Variants in PARD3B observed in about 807,000 individuals in gnomAD.
PARD3B encodes partitioning defective 3 homolog B.
A neutral mutation model predicts 130.2 loss-of-function variants in PARD3B; 103 were observed. The ratio of observed to expected loss-of-function variants is 0.79; its 90% CI spans 0.67 to 0.93. The LOEUF is 0.93. Ranked by LOEUF, PARD3B falls within the 40% of genes least tolerant of loss-of-function variation. The probability of loss-of-function intolerance (pLI) is 0.00; values close to 1 mark genes in which losing one functional copy is unlikely to be tolerated. For synonymous variants in PARD3B, 583 were observed against 553.2 expected, an observed-to-expected ratio of 1.05 and a Z score of -0.76; for missense variants, 1,609 against 1,499.2, an observed-to-expected ratio of 1.07 and a Z score of -1.21.
intron 19 of PARD3B, among the ~76,000 whole-genome samples, chr2:205,430,156 T>TA (rs1468258382): frequency 6.6e-6 from 1 of 152,196 alleles, no homozygotes. Context: ...TTTCCCTCGA[T>TA]ATATAAGTGA....
intron 1 of PARD3B, among the ~76,000 whole-genome samples, chr2:204,568,716 A>G (rs2031821002): frequency 6.6e-6 from 1 of 152,194 alleles, no homozygotes; most frequent in South Asian, 2.1e-4. Context: ...GAACTATGGG[A>G]GGCCCAGGTG....
At chr2:205,365,565 T>TTTTTTC (rs1553686141) in intron 18 of PARD3B, among the ~76,000 whole-genome samples, 24 of 150,278 alleles carry the variant, frequency 1.6e-4, no homozygotes, top group East Asian at 5.8e-4. Context: ...TTTTTTTTTT[T>TTTTTTC]CTAATCTACA....
intron 2 of PARD3B, among the ~76,000 whole-genome samples, chr2:204,865,899 C>G (rs183500331): frequency 6.6e-6 from 1 of 152,254 alleles, no homozygotes; most frequent in East Asian, 1.9e-4. Flanking sequence ...CTACATGGAC[C>G]TGTGCTCTTG....
chr2:204,741,923 T>C (rs545945412), intron 2 of PARD3B, among the ~76,000 whole-genome samples: 4 of 152,250 alleles, frequency 2.6e-5, no homozygotes, highest in South Asian at 2.1e-4. Context: ...ATGCTGACAT[T>C]CAAAGTCCGG....
At chr2:204,865,286 A>T (rs1275365098) in intron 2 of PARD3B, among the ~76,000 whole-genome samples, 1 of 152,236 alleles carries the variant, frequency 6.6e-6, no homozygotes, top group African/African-American at 2.4e-5. Flanking sequence ...CCCAGAGGAA[A>T]AGAAGTCATT....
chr2:205,344,530 G>A (rs11690480), intron 18 of PARD3B, among the ~76,000 whole-genome samples: 90,317 of 151,944 alleles, frequency 0.59, 30,538 homozygotes, highest in South Asian at 0.77. Flanking sequence ...AATTCATGCA[G>A]TCTCCACCTG....
chr2:204,985,919 G>A (rs1211087952), intron 3 of PARD3B, among the ~76,000 whole-genome samples: 1 of 151,890 alleles, frequency 6.6e-6, no homozygotes, highest in South Asian at 2.1e-4. Context: ...TGGCAACATG[G>A]TGAAACCCCG....
intron 18 of PARD3B, among the ~76,000 whole-genome samples, chr2:205,372,669 C>T (rs1390440252): frequency 6.6e-6 from 1 of 152,204 alleles, no homozygotes; most frequent in Admixed American, 6.5e-5. Flanking sequence ...TTCTTATCCA[C>T]ACTGCATAAA....
intron 20 of PARD3B, among the ~76,000 whole-genome samples, chr2:205,488,203 G>C (rs2049521829): frequency 6.6e-6 from 1 of 151,974 alleles, no homozygotes. Context: ...TTAGGACAGT[G>C]GTCCCCAACC....
At chr2:205,551,990 A>G (rs992513972) in intron 21 of PARD3B, among the ~76,000 whole-genome samples, 13 of 152,200 alleles carry the variant, frequency 8.5e-5, no homozygotes, top group African/African-American at 2.9e-4. Flanking sequence ...CGTTGAGGTG[A>G]ACAGGTGGGG....
chr2:205,603,119 G>A (rs922111589), intron 22 of PARD3B, among the ~76,000 whole-genome samples: 49 of 152,170 alleles, frequency 3.2e-4, no homozygotes, highest in African/African-American at 1.1e-3. Flanking sequence ...CATTATTTAC[G>A]CAGGAGTTAT....
At chr2:204,953,550 G>A (rs938356022) in intron 2 of PARD3B, among the ~76,000 whole-genome samples, 4 of 151,754 alleles carry the variant, frequency 2.6e-5, no homozygotes, top group African/African-American at 9.7e-5. Context: ...ACACACTACA[G>A]ACACAATTTG....
chr2:205,521,212 C>A (rs1248926547), intron 21 of PARD3B, among the ~76,000 whole-genome samples: 1 of 151,576 alleles, frequency 6.6e-6, no homozygotes, highest in Non-Finnish European at 1.5e-5. Context: ...AATTTGATGG[C>A]AAATATCAAT....
chr2:204,861,159 CCTTTCTCTCT>C (rs2045170277), intron 2 of PARD3B, among the ~76,000 whole-genome samples: 2 of 99,544 alleles, frequency 2.0e-5, no homozygotes, highest in African/African-American at 6.9e-5. Context: ...CTACCTAATA[CCTTTCTCTCT>C]CTCTCTCTCT....
chr2:205,169,499 C>CTGT, intron 11 of PARD3B, among the ~76,000 whole-genome samples: 1 of 152,314 alleles, frequency 6.6e-6, no homozygotes, highest in East Asian at 1.9e-4. Context: ...CTGTTATCTA[C>CTGT]CTCTTCACTC....
intron 2 of PARD3B, among the ~76,000 whole-genome samples, chr2:204,896,360 G>A (rs1278869508): frequency 1.3e-5 from 2 of 152,252 alleles, no homozygotes; most frequent in East Asian, 3.9e-4. Context: ...TTATCTAGAG[G>A]CGCTGTGCTG....
At chr2:205,534,837 A>G (rs1432993158) in intron 21 of PARD3B, among the ~76,000 whole-genome samples, 2 of 152,164 alleles carry the variant, frequency 1.3e-5, no homozygotes, top group East Asian at 1.9e-4. Context: ...CGTATTCCTC[A>G]TGCTTAGAAA....
intron 2 of PARD3B, among the ~76,000 whole-genome samples, chr2:204,796,716 C>G (rs891009699): frequency 1.3e-5 from 2 of 152,178 alleles, no homozygotes; most frequent in Non-Finnish European, 2.9e-5. Context: ...ATTAGCTTTT[C>G]TACTGTCCAG....
intron 22 of PARD3B, among the ~76,000 whole-genome samples, chr2:205,565,705 C>T (rs1249050591): frequency 6.6e-6 from 1 of 152,102 alleles, no homozygotes; most frequent in East Asian, 1.9e-4. Context: ...AACAGATGAG[C>T]TAGGAAAGTC....
Sources: gnomAD v4.1 joint callset for allele counts (sites outside exome capture counted in the v4.1 genomes callset) on GRCh38, gnomAD v4.1.1 for gene constraint, MANE v1.5 for transcripts, NCBI Gene and HGNC (gene_info 2026-07-23, HGNC 2026-07-21) for gene names.